MEGF10: variants seen among roughly 807,000 people sequenced by gnomAD.
The protein encoded by MEGF10 is multiple EGF like domains 10, also known as multiple epidermal growth factor-like domains protein 10.
Under a neutral mutation model 147.5 loss-of-function variants are expected in MEGF10, and 86 were observed. The ratio of observed to expected loss-of-function variants is 0.58; its 90% CI spans 0.49 to 0.70. MEGF10 has a LOEUF of 0.70. Among genes scored for constraint, MEGF10 ranks in the 30% least tolerant of loss-of-function variants. The pLI, the probability that MEGF10 is intolerant of heterozygous loss-of-function variation, is 0.00. For missense variants in MEGF10, 1,329 were observed against 1,487.3 expected, an observed-to-expected ratio of 0.89 and a Z score of 1.75; for synonymous variants, 478 against 525.5, an observed-to-expected ratio of 0.91 and a Z score of 1.24.
rs572228572 is a variant in MEGF10, at chr5:127,404,769, G to A, written c.917+2087G>A. ...CTTGTTTTGTCCCCCAGGCTGGAGT[G>A]CAGTGGCATGATCTCGGCTCACCAC... is the stretch of plus-strand genomic sequence containing the variant. On this transcript the variant is annotated intron_variant, in intron 8 of 24. Coordinates refer to ENST00000503335, the MANE Select transcript of MEGF10 (RefSeq NM_001256545.2). Among the ~76,000 whole-genome samples, 76 of 152,058 alleles carry A rather than the reference G, an allele frequency of 5.0e-4. 1 individual carries two copies. Among genetic ancestry groups the A allele is most frequent in the African/African-American group, 1.8e-3 (75 of 41,488 alleles).
chr5:127,439,534 G>C (rs955667253), intron 17 of MEGF10, among the ~76,000 whole-genome samples: 1 of 152,170 alleles, frequency 6.6e-6, no homozygotes, highest in African/African-American at 2.4e-5. Context: ...GGCAAGGAAG[G>C]TAGCTGGCCC....
At chr5:127,313,005 C>G (rs1303772328) in intron 1 of MEGF10, among the ~76,000 whole-genome samples, 1 of 152,074 alleles carries the variant, frequency 6.6e-6, no homozygotes, top group Non-Finnish European at 1.5e-5. Context: ...AAATGATGAA[C>G]ATGAATCTGG....
chr5:127,433,111 C>T (rs915451108), intron 13 of MEGF10, among the ~76,000 whole-genome samples: 7 of 152,204 alleles, frequency 4.6e-5, no homozygotes, highest in African/African-American at 1.7e-4. Context: ...TTATTGCCTC[C>T]TCCTGAAGAA....
the MEGF10 span, among the ~76,000 whole-genome samples, chr5:127,281,561 C>T: frequency 6.6e-6 from 1 of 152,170 alleles, no homozygotes; most frequent in Non-Finnish European, 1.5e-5. Flanking sequence ...ATTGTGTGTA[C>T]ATTGCTTCTC....
chr5:127,440,669 G>A (rs2127015284), intron 17 of MEGF10, 70 bp from the exon 18 acceptor site: 9 of 1,533,076 alleles, frequency 5.9e-6, no homozygotes, highest in Non-Finnish European at 7.1e-6. Context: ...CAAATATGTT[G>A]GAGGCACGAG....
chr5:127,285,796 G>A (rs1759010336), upstream of MEGF10, among the ~76,000 whole-genome samples: 1 of 152,018 alleles, frequency 6.6e-6, no homozygotes, highest in African/African-American at 2.4e-5. Flanking sequence ...AAATATATCT[G>A]AATCCCACTA....
chr5:127,329,450 A>AATTTAAT lies in MEGF10; in HGVS notation c.-18-1836_-18-1830dup, dbSNP rs542042452. On this transcript the variant is annotated intron_variant, in intron 1 of 24. Transcript: ENST00000503335. ...TACTTAAAGAATCTTGATTTTGAAG[A>AATTTAAT]ATTTAATATTTCCTCATTTGATCTG... 2.0e-3 allele frequency among the ~76,000 whole-genome samples: 310 copies of AATTTAAT among 152,256 alleles called. 1 individual carries two copies. The highest frequency in any genetic ancestry group is 7.1e-3 in the African/African-American group (296 of 41,554).
At chr5:127,339,523 C>A (rs1281275881) in intron 3 of MEGF10, among the ~76,000 whole-genome samples, 1 of 152,130 alleles carries the variant, frequency 6.6e-6, no homozygotes, top group African/African-American at 2.4e-5. Context: ...TACCTATGGA[C>A]AGCAGCAGAT....
chr5:127,257,307 TAA>T, the MEGF10 span, among the ~76,000 whole-genome samples: 1,708 of 130,364 alleles, frequency 0.013, 36 homozygotes, highest in African/African-American at 0.041. Context: ...TTCTTTTTAT[TAA>T]AAAAAAAAAA....
chr5:127,455,176 T>A (rs1766312424), intron 23 of MEGF10, among the ~76,000 whole-genome samples: 1 of 152,210 alleles, frequency 6.6e-6, no homozygotes, highest in Non-Finnish European at 1.5e-5. Context: ...TGAAATCAGT[T>A]AATGATATTG....
chr5:127,274,930 G>T, the MEGF10 span, among the ~76,000 whole-genome samples: 1 of 152,034 alleles, frequency 6.6e-6, no homozygotes, highest in Non-Finnish European at 1.5e-5. Flanking sequence ...TTCTGGTCAT[G>T]TGTTTTGTGT....
the MEGF10 span, among the ~76,000 whole-genome samples, chr5:127,261,029 CAGG>C: frequency 4.6e-5 from 7 of 152,172 alleles, no homozygotes; most frequent in Admixed American, 4.6e-4. Context: ...AAGCCAAAGC[CAGG>C]AGAAGATGTG....
intron 1 of MEGF10, among the ~76,000 whole-genome samples, chr5:127,322,940 T>C (rs1760845775): frequency 6.6e-6 from 1 of 152,110 alleles, no homozygotes; most frequent in South Asian, 2.1e-4. Flanking sequence ...TATATATATT[T>C]ACACAATGTG....
intron 4 of MEGF10, among the ~76,000 whole-genome samples, chr5:127,362,843 C>A (rs938470804): frequency 2.0e-5 from 3 of 152,070 alleles, no homozygotes; most frequent in Non-Finnish European, 4.4e-5. Context: ...TTTTTGTTCT[C>A]ATTTTTCTCT....
At chr5:127,252,586 C>T in the MEGF10 span, among the ~76,000 whole-genome samples, 4,664 of 151,850 alleles carry the variant, frequency 0.031, 190 homozygotes, top group African/African-American at 0.097. Flanking sequence ...GTTGTGTTTA[C>T]ATATAAATAT....
chr5:127,373,297 A>G (rs1356834569), intron 5 of MEGF10, among the ~76,000 whole-genome samples: 1 of 152,052 alleles, frequency 6.6e-6, no homozygotes, highest in South Asian at 2.1e-4. Context: ...GCTTACAGGC[A>G]TGTGCCACCA....
At chr5:127,303,465 G>A (rs1759870523) in intron 1 of MEGF10, among the ~76,000 whole-genome samples, 1 of 151,584 alleles carries the variant, frequency 6.6e-6, no homozygotes, top group South Asian at 2.1e-4. Context: ...GCTTATCATT[G>A]ATAATAAAAA....
intron 13 of MEGF10, 152 bp from the exon 14 acceptor site, chr5:127,433,211 G>A (rs1561643841): frequency 1.2e-6 from 1 of 821,344 alleles, no homozygotes. Context: ...ATGATACTGT[G>A]TATTGATGTT....
intron 9 of MEGF10, among the ~76,000 whole-genome samples, chr5:127,416,864 G>A (rs1381633215): frequency 6.6e-6 from 1 of 152,178 alleles, no homozygotes; most frequent in Non-Finnish European, 1.5e-5. Flanking sequence ...GAAAATCTAT[G>A]AACAGTCCTC....
Sources: allele counts gnomAD v4.1 joint callset (sites outside exome capture counted in the v4.1 genomes callset), GRCh38; gene constraint gnomAD v4.1.1; transcripts MANE v1.5; gene names NCBI Gene and HGNC (gene_info 2026-07-23, HGNC 2026-07-21).